Variants in PCDH7 observed in about 807,000 individuals in gnomAD.
The protein encoded by PCDH7 is protocadherin-7.
PCDH7 carries 17 observed loss-of-function variants against 58.9 expected under a neutral mutation model. That is an observed-to-expected ratio of 0.29 (90% CI 0.20 to 0.43). The LOEUF (loss-of-function observed/expected upper bound fraction) is 0.43. Among genes scored for constraint, PCDH7 ranks in the 20% least tolerant of loss-of-function variants. PCDH7 has a pLI of 1.00. For missense variants in PCDH7, 1,274 were observed against 1,441.0 expected (o/e 0.88, Z 1.88); for synonymous variants, 664 against 616.4 (o/e 1.08, Z -1.14).
At chr4:30,971,521 C>A (rs2109473373) in intron 3 of PCDH7, among the ~76,000 whole-genome samples, 1 of 152,312 alleles carries the variant, frequency 6.6e-6, no homozygotes, top group South Asian at 2.1e-4. Flanking sequence ...CTCAAGCCAT[C>A]TGCATCAGAG....
intron 2 of PCDH7, among the ~76,000 whole-genome samples, chr4:30,942,456 C>A (rs1488361555): frequency 6.6e-6 from 1 of 151,916 alleles, no homozygotes; most frequent in East Asian, 1.9e-4. Flanking sequence ...TCCTAATTGG[C>A]AGAACTAAGG....
intron 1 of PCDH7, among the ~76,000 whole-genome samples, chr4:30,770,838 C>T (rs1399224453): frequency 1.3e-5 from 2 of 152,216 alleles, no homozygotes; most frequent in African/African-American, 4.8e-5. Context: ...GATTGTCTTT[C>T]ATTTGTCTTT....
At chr4:30,879,655 C>T (rs574775984) in intron 1 of PCDH7, among the ~76,000 whole-genome samples, 5 of 152,210 alleles carry the variant, frequency 3.3e-5, no homozygotes, top group African/African-American at 1.2e-4. Flanking sequence ...AAGCAATTAT[C>T]GCCATGATGA....
rs1021958671 is a variant in PCDH7, at chr4:30,858,895, C to T, written c.71-61258C>T. Among the ~76,000 whole-genome samples, 3 of 152,232 alleles carry T rather than the reference C, an allele frequency of 2.0e-5. No homozygotes were observed. In the South Asian group the frequency reaches 6.2e-4, roughly 32 times the overall value. Reference sequence around the variant, plus strand: ...TGTTTTGAATTATTCTAACATGCCACATGCTATTTTATCATTTGGTAGTGG... The same window carrying T: ...TGTTTTGAATTATTCTAACATGCCATATGCTATTTTATCATTTGGTAGTGG... On this transcript the variant is annotated intron_variant, in intron 1 of 3. Transcript: ENST00000509759.
intron 1 of PCDH7, among the ~76,000 whole-genome samples, chr4:30,797,196 A>G (rs1042852045): frequency 7.9e-5 from 12 of 151,262 alleles, no homozygotes; most frequent in East Asian, 2.0e-4. Context: ...CCTGCCTCCC[A>G]AAGTGCTGGG....
intron 3 of PCDH7, among the ~76,000 whole-genome samples, chr4:31,066,945 A>T (rs1758141316): frequency 6.6e-6 from 1 of 151,978 alleles, no homozygotes; most frequent in South Asian, 2.1e-4. Context: ...GGAAATAATA[A>T]TTAAGCCATC....
In PCDH7 at chr4:30,721,861, G is replaced by C; in HGVS notation, c.439G>C (p.Val147Leu). ...CAACACGCCCACCTTCCCGTCGCCC[G>C]TGCTCACGCTCACGGTGGAGGAGAA... The change falls in exon 1 of 2, where the codon GTG becomes CTG. Residue 147 changes from valine (V) to leucine (L), a missense_variant. Around this residue, in one of 3 missense-constraint regions of PCDH7, gnomAD observed 212 missense variants for 255.8 expected, o/e 0.83. Coordinates refer to ENST00000361762, the Ensembl canonical transcript of PCDH7. The surrounding 1 kb of genome is among the most constrained non-coding windows in gnomAD (Gnocchi z 6.7). 1 of 1,605,004 alleles carries C rather than the reference G, an allele frequency of 6.2e-7. No homozygotes were observed. Among genetic ancestry groups the C allele is most frequent in the East Asian group, 2.3e-5 (1 of 44,338 alleles).
At chr4:30,908,831 G>A (rs13139390) in intron 1 of PCDH7, among the ~76,000 whole-genome samples, 112,080 of 152,056 alleles carry the variant, frequency 0.74, 42,458 homozygotes, top group African/African-American at 0.93. Flanking sequence ...AACTCATTTT[G>A]TGAGGCCAGC....
chr4:31,095,451 T>A (rs1487949980), intron 3 of PCDH7, among the ~76,000 whole-genome samples: 1 of 152,170 alleles, frequency 6.6e-6, no homozygotes, highest in Non-Finnish European at 1.5e-5. Context: ...TTGGAGGAAA[T>A]CTAGTTTCTT....
In PCDH7 at chr4:30,828,862, A is replaced by G. The variant is rs529611611; in HGVS notation, c.71-91291A>G. On this transcript the variant is annotated intron_variant, in intron 1 of 3. Coordinates refer to the PCDH7 transcript ENST00000509759. The stretch of plus-strand genomic sequence containing the variant: ...TTTTTTTGTTGTTGTTGTTAAACCC[A>G]TGATTTTAATAGTGACAGTTAATCA... 6.6e-5 allele frequency among the ~76,000 whole-genome samples: 10 copies of G among 151,894 alleles called. No homozygotes were observed. The East Asian group carries it at 1.2e-3, about 18-fold the overall frequency.
rs1209786180 is a variant in PCDH7, at chr4:30,721,759, G to C, written c.337G>C (p.Glu113Gln). 1 of 1,613,732 alleles carries C rather than the reference G, an allele frequency of 6.2e-7. No individual in the cohort carries two copies. The highest frequency in any genetic ancestry group is 8.5e-7 in the Non-Finnish European group (1 of 1,179,982). ...CGAGAACGAGTGCTTCCTGGACTTC[G>C]AGGTGTCGGTGATCGGGCCCTCGCA... Residue 113 changes from glutamate (E) to glutamine (Q), a missense_variant, in exon 1 of 2, where the codon GAG becomes CAG. By Grantham distance (29) the Glu-to-Gln change is conservative. This residue lies in a region of PCDH7 where 212 missense variants were observed against 255.8 expected (regional missense o/e 0.83). Coordinates refer to ENST00000361762, the Ensembl canonical transcript of PCDH7. The surrounding 1 kb of genome is among the most constrained non-coding windows in gnomAD (Gnocchi z 6.7).
rs10692198 is a variant in PCDH7 at position 30,765,125 on chromosome 4, CTTTTTTTT to C, written c.70+40548_70+40555del. 3.0e-4 allele frequency among the ~76,000 whole-genome samples: 15 copies of C among 49,214 alleles called. No individual in the cohort carries two copies. The East Asian group carries it at 6.6e-3, about 22-fold the overall frequency. The allele number at this position is 49,214 out of a possible 152,430, so 32.3% of individuals were successfully genotyped here. ...GGAAAGAGAGATAGGACTTCAGATG[CTTTTTTTT>C]TTTTTTTTTTTTTTTTTTAAGAAGG... On this transcript the variant is annotated intron_variant, in intron 1 of 3. Coordinates refer to the PCDH7 transcript ENST00000509759.
intron 3 of PCDH7, among the ~76,000 whole-genome samples, chr4:31,024,655 C>G (rs1754281638): frequency 6.6e-6 from 1 of 152,032 alleles, no homozygotes; most frequent in African/African-American, 2.4e-5. Context: ...AATCTACATA[C>G]TATAGAGATA....
rs546807937 is a variant in PCDH7, at chr4:31,087,555, A to G, written c.*8-54918A>G. Among the ~76,000 whole-genome samples the G allele has an allele frequency of 2.6e-3, 392 of 152,214 alleles. 1 individual carries two copies. Among genetic ancestry groups the G allele is most frequent in the Non-Finnish European group, 2.8e-3 (190 of 67,982 alleles). On this transcript the variant is annotated intron_variant, in intron 3 of 3. Transcript: ENST00000509759. ...GAGATAGATAGTTGTTGACATGGAA[A>G]GGATCTGTGTTAATGAGAAGAGACA... is the stretch of plus-strand genomic sequence containing the variant.
intron 1 of PCDH7, among the ~76,000 whole-genome samples, chr4:30,757,199 A>C (rs1024216235): frequency 6.6e-6 from 1 of 152,100 alleles, no homozygotes; most frequent in African/African-American, 2.4e-5. Flanking sequence ...GCAAAGTCAA[A>C]CTCACTATCT....
chr4:30,873,368 T>C (rs1735858885), intron 1 of PCDH7, among the ~76,000 whole-genome samples: 1 of 152,080 alleles, frequency 6.6e-6, no homozygotes, highest in South Asian at 2.1e-4. Flanking sequence ...ATATATAAAA[T>C]TGGATACAAT....
intron 2 of PCDH7, among the ~76,000 whole-genome samples, chr4:30,934,660 T>C (rs1745107271): frequency 6.6e-6 from 1 of 152,158 alleles, no homozygotes; most frequent in Admixed American, 6.5e-5. Context: ...AATAATTCAG[T>C]TTCTCTACCA....
intron 3 of PCDH7, among the ~76,000 whole-genome samples, chr4:30,967,855 G>A (rs921563931): frequency 3.3e-5 from 5 of 151,994 alleles, no homozygotes; most frequent in Admixed American, 6.6e-5. Context: ...TTTTGCCCTG[G>A]AATTGAGTAA....
At chr4:30,751,627 A>G (rs976161531) in intron 1 of PCDH7, among the ~76,000 whole-genome samples, 3 of 152,108 alleles carry the variant, frequency 2.0e-5, no homozygotes, top group African/African-American at 4.8e-5. Flanking sequence ...GTATATATAT[A>G]TATTTTGCAT....
Sources: allele counts gnomAD v4.1 joint callset (sites outside exome capture counted in the v4.1 genomes callset), GRCh38; gene constraint gnomAD v4.1.1; regional missense constraint gnomAD v4.1.1; non-coding constraint Gnocchi (gnomAD v3.1); transcripts MANE v1.5; gene names NCBI Gene and HGNC (gene_info 2026-07-23, HGNC 2026-07-21).